GALNTL6: variants seen among roughly 807,000 people sequenced by gnomAD.
The protein encoded by GALNTL6 is polypeptide N-acetylgalactosaminyltransferase-like 6.
GALNTL6 carries 46 observed loss-of-function variants against 73.7 expected under a neutral mutation model. The observed-to-expected ratio is 0.62, with a 90% CI of 0.49 to 0.80. The LOEUF (loss-of-function observed/expected upper bound fraction) is 0.80, where lower values mean the gene tolerates loss of function less well. Among genes scored for constraint, GALNTL6 ranks in the 30% least tolerant of loss-of-function variants. GALNTL6 has a pLI of 0.00. For missense variants in GALNTL6, 604 were observed against 755.0 expected (o/e 0.80, Z 2.34); for synonymous variants, 259 against 263.7 (o/e 0.98, Z 0.17).
At chr4:172,969,771 T>C (rs1750488118) in intron 10 of GALNTL6, among the ~76,000 whole-genome samples, 1 of 152,200 alleles carries the variant, frequency 6.6e-6, no homozygotes, top group Non-Finnish European at 1.5e-5. Context: ...TAATCGTCAA[T>C]GCAACAATGT....
At chr4:172,646,822 A>G (rs1740264314) in intron 5 of GALNTL6, among the ~76,000 whole-genome samples, 1 of 152,076 alleles carries the variant, frequency 6.6e-6, no homozygotes, top group Admixed American at 6.6e-5. Flanking sequence ...TGATGTTAAT[A>G]TTTAGGAGCT....
At chr4:172,224,587 T>G (rs1328835907) in intron 2 of GALNTL6, among the ~76,000 whole-genome samples, 2 of 152,184 alleles carry the variant, frequency 1.3e-5, no homozygotes, top group Non-Finnish European at 2.9e-5. Flanking sequence ...AGAAACAAAG[T>G]TTTTTGATTC....
intron 2 of GALNTL6, among the ~76,000 whole-genome samples, chr4:171,853,674 G>A (rs11132918): frequency 1.5e-5 from 2 of 137,632 alleles, no homozygotes; most frequent in African/African-American, 2.9e-5. Context: ...GCAGTGGTGC[G>A]ATCTTGGCTC....
chr4:172,499,889 G>A (rs560088362), intron 5 of GALNTL6, among the ~76,000 whole-genome samples: 5 of 152,036 alleles, frequency 3.3e-5, no homozygotes, highest in Admixed American at 6.6e-5. Flanking sequence ...AGAAATGAAC[G>A]TAGGCATAGG....
At chr4:172,405,713 C>T (rs1262526643) in intron 5 of GALNTL6, among the ~76,000 whole-genome samples, 2 of 151,700 alleles carry the variant, frequency 1.3e-5, no homozygotes, top group Non-Finnish European at 2.9e-5. Context: ...CATTTCCCTA[C>T]CTTCACCTTC....
At chr4:172,728,365 T>C (rs1027819243) in intron 5 of GALNTL6, among the ~76,000 whole-genome samples, 1 of 152,170 alleles carries the variant, frequency 6.6e-6, no homozygotes, top group Non-Finnish European at 1.5e-5. Flanking sequence ...GGAGTGAGAA[T>C]ATGCAATGTT....
rs778156050 is a variant in GALNTL6 at position 172,206,805 on chromosome 4, G to GTTTTTTTTTTTTTTTTT, written c.139-22843_139-22842insTTTTTTTTTTTTTTTTT. Reference sequence around the variant, plus strand: ...TTGTTTTGTTTTGTTTTGTTTTTCTGTTTTTTTTGTTTGTTTTTTTTTTTT... The same window carrying GTTTTTTTTTTTTTTTTT: ...TTGTTTTGTTTTGTTTTGTTTTTCTGTTTTTTTTTTTTTTTTTTTTTTTTTGTTTGTTTTTTTTTTTT... On this transcript the variant is annotated intron_variant, in intron 2 of 12. Transcript: ENST00000506823. Among the ~76,000 whole-genome samples the GTTTTTTTTTTTTTTTTT allele has an allele frequency of 4.6e-4, 12 of 26,128 alleles. 1 individual carries two copies. Among genetic ancestry groups the GTTTTTTTTTTTTTTTTT allele is most frequent in the African/African-American group, 7.6e-4 (8 of 10,510 alleles). The allele number at this position is 26,128 out of a possible 152,430, so 17.1% of individuals were successfully genotyped here. A position where few individuals can be genotyped will look rare whatever the true frequency, so the allele number is the denominator to read the frequency against.
intron 4 of GALNTL6, among the ~76,000 whole-genome samples, chr4:172,326,842 G>A (rs1740960559): frequency 6.6e-6 from 1 of 151,374 alleles, no homozygotes; most frequent in Non-Finnish European, 1.5e-5. Flanking sequence ...AATTCTTTTT[G>A]TGTTATTTTA....
At chr4:172,091,113 T>C (rs986057300) in intron 2 of GALNTL6, among the ~76,000 whole-genome samples, 2 of 152,124 alleles carry the variant, frequency 1.3e-5, no homozygotes, top group Admixed American at 6.6e-5. Flanking sequence ...AAGTTTCTTT[T>C]TTTTCTGAAA....
intron 2 of GALNTL6, among the ~76,000 whole-genome samples, chr4:172,177,115 G>A (rs1484956326): frequency 6.6e-6 from 1 of 152,156 alleles, no homozygotes; most frequent in Admixed American, 6.5e-5. Flanking sequence ...CAACAAGAAG[G>A]AAGTAGTCAG....
intron 2 of GALNTL6, among the ~76,000 whole-genome samples, chr4:171,824,091 ATATATAT>A (rs1734761751): frequency 6.9e-6 from 1 of 144,960 alleles, no homozygotes; most frequent in Non-Finnish European, 1.5e-5. Context: ...ATATATATAT[ATATATAT>A]ATATATATAT....
intron 5 of GALNTL6, among the ~76,000 whole-genome samples, chr4:172,363,769 T>C (rs1292907496): frequency 6.6e-6 from 1 of 152,178 alleles, no homozygotes; most frequent in Non-Finnish European, 1.5e-5. Flanking sequence ...TATTTATTTA[T>C]TTATTGAGAA....
intron 5 of GALNTL6, among the ~76,000 whole-genome samples, chr4:172,609,228 C>T (rs1016539260): frequency 1.3e-5 from 2 of 152,084 alleles, no homozygotes; most frequent in Non-Finnish European, 2.9e-5. Flanking sequence ...TTCCAGTTCT[C>T]ATAGGGAATA....
chr4:172,639,364 A>G (rs1739853924), intron 5 of GALNTL6, among the ~76,000 whole-genome samples: 2 of 151,742 alleles, frequency 1.3e-5, no homozygotes, highest in East Asian at 1.9e-4. Flanking sequence ...CTTAAATTCA[A>G]TTCTCCATCA....
intron 5 of GALNTL6, among the ~76,000 whole-genome samples, chr4:172,750,388 C>A (rs1393859130): frequency 6.6e-6 from 1 of 152,162 alleles, no homozygotes. Context: ...TTCCTTTGCT[C>A]AGCTACACAC....
chr4:172,119,999 G>A (rs1244952319), intron 2 of GALNTL6, among the ~76,000 whole-genome samples: 2 of 152,102 alleles, frequency 1.3e-5, no homozygotes, highest in African/African-American at 4.8e-5. Context: ...TGTAAAAATT[G>A]AGCAGACTAA....
chr4:172,621,313 C>G (rs1003232533), intron 5 of GALNTL6, among the ~76,000 whole-genome samples: 7 of 152,180 alleles, frequency 4.6e-5, no homozygotes, highest in Non-Finnish European at 8.8e-5. Context: ...TCTCAGCCTC[C>G]TAAAGCACTG....
intron 2 of GALNTL6, among the ~76,000 whole-genome samples, chr4:172,170,197 C>CT (rs1734765689): frequency 6.6e-6 from 1 of 152,158 alleles, no homozygotes; most frequent in Non-Finnish European, 1.5e-5. Context: ...AAAATCTCAT[C>CT]TTGAATTGTA....
intron 5 of GALNTL6, among the ~76,000 whole-genome samples, chr4:172,381,928 T>C (rs1358591375): frequency 6.6e-6 from 1 of 152,170 alleles, no homozygotes; most frequent in African/African-American, 2.4e-5. Context: ...AAACCAGAAA[T>C]TTATGAGAAT....
Sources: gnomAD v4.1 joint callset for allele counts (sites outside exome capture counted in the v4.1 genomes callset) on GRCh38, gnomAD v4.1.1 for gene constraint, MANE v1.5 for transcripts, NCBI Gene and HGNC (gene_info 2026-07-23, HGNC 2026-07-21) for gene names.